The following MACROD2 variants were observed in gnomAD, a reference collection of about 807,000 sequenced individuals.
The protein encoded by MACROD2 is ADP-ribose glycohydrolase MACROD2.
A neutral mutation model predicts 70.4 loss-of-function variants in MACROD2; 36 were observed. The ratio of observed to expected loss-of-function variants is 0.51; its 90% confidence interval spans 0.39 to 0.68. MACROD2 has a LOEUF of 0.68. Ranked by LOEUF, MACROD2 falls within the 30% of genes least tolerant of loss-of-function variation. The pLI, the probability that MACROD2 is intolerant of heterozygous loss-of-function variation, is 0.00. For synonymous variants in MACROD2, 172 were observed against 178.8 expected (o/e 0.96, Z 0.30); for missense variants, 496 against 538.4 (o/e 0.92, Z 0.78).
intron 17 of MACROD2, among the ~76,000 whole-genome samples, chr20:16,045,212 T>C (rs1039401619): frequency 2.0e-5 from 3 of 152,128 alleles, no homozygotes; most frequent in Admixed American, 6.5e-5. Flanking sequence ...CCTGGGTTTG[T>C]TACGTTGAAT....
intron 10 of MACROD2, among the ~76,000 whole-genome samples, chr20:15,898,983 C>CAT (rs1415036330): frequency 6.7e-6 from 1 of 150,000 alleles, no homozygotes; most frequent in Admixed American, 6.7e-5. Flanking sequence ...TGTGTGTGTG[C>CAT]ATATATATAT....
chr20:14,755,029 C>G (rs781535649), intron 5 of MACROD2, among the ~76,000 whole-genome samples: 3 of 152,036 alleles, frequency 2.0e-5, no homozygotes, highest in African/African-American at 7.3e-5. Flanking sequence ...CACTTATCAG[C>G]TGAAAACAGC....
chr20:14,808,779 G>A (rs1372189467), intron 5 of MACROD2, among the ~76,000 whole-genome samples: 4 of 151,614 alleles, frequency 2.6e-5, no homozygotes, highest in African/African-American at 9.7e-5. Flanking sequence ...AAAAGCAGGG[G>A]TTGTAATCCC....
rs565093250 is a variant in MACROD2, at chr20:14,750,861, A to T, written c.418+65902A>T. Among the ~76,000 whole-genome samples, 3 of 152,220 alleles carry T rather than the reference A, an allele frequency of 2.0e-5. No individual in the cohort carries two copies. The East Asian group carries it at 5.8e-4, about 29-fold the overall frequency. On this transcript the variant is annotated intron_variant, in intron 5 of 17. Coordinates refer to ENST00000684519, the MANE Select transcript of MACROD2 (RefSeq NM_001351661.2). ...AATATGTTTTATAAATCACTAACAA[A>T]TAACTAATCTGGTTGGTGATAAATA...
At chr20:14,546,953 T>C (rs1163092254) in intron 4 of MACROD2, among the ~76,000 whole-genome samples, 1 of 152,122 alleles carries the variant, frequency 6.6e-6, no homozygotes, top group African/African-American at 2.4e-5. Context: ...CTAAATACAA[T>C]TATATTTTTA....
chr20:14,157,763 T>A (rs1364268815), intron 3 of MACROD2, among the ~76,000 whole-genome samples: 1 of 152,206 alleles, frequency 6.6e-6, no homozygotes, highest in Non-Finnish European at 1.5e-5. Flanking sequence ...ATAATTTCAT[T>A]CTTTGTTATA....
chr20:14,250,743 A>C (rs1160296357), intron 3 of MACROD2, among the ~76,000 whole-genome samples: 4 of 152,136 alleles, frequency 2.6e-5, no homozygotes, highest in African/African-American at 9.7e-5. Context: ...TGTACTAATA[A>C]AGTGATAATA....
At chr20:15,667,785 T>A (rs1380521179) in intron 8 of MACROD2, among the ~76,000 whole-genome samples, 1 of 152,216 alleles carries the variant, frequency 6.6e-6, no homozygotes, top group African/African-American at 2.4e-5. Context: ...GTCCCTTCAG[T>A]TTCTTTCAAT....
At chr20:15,064,038 C>T (rs534266139) in intron 5 of MACROD2, among the ~76,000 whole-genome samples, 1 of 152,208 alleles carries the variant, frequency 6.6e-6, no homozygotes, top group South Asian at 2.1e-4. Flanking sequence ...AAGCTAAAGC[C>T]CCCAGTTTAA....
chr20:14,647,450 CA>C (rs1358070104), intron 4 of MACROD2, among the ~76,000 whole-genome samples: 2 of 151,892 alleles, frequency 1.3e-5, no homozygotes, highest in East Asian at 1.9e-4. Flanking sequence ...CATTTTGTTT[CA>C]AAAAAATAAT....
intron 8 of MACROD2, among the ~76,000 whole-genome samples, chr20:15,551,562 C>T (rs541664000): frequency 1.1e-4 from 16 of 152,216 alleles, no homozygotes; most frequent in African/African-American, 3.6e-4. Context: ...CATTTCTACT[C>T]ACATCATGTT....
At chr20:14,023,584 G>GT (rs1458137515) in intron 2 of MACROD2, among the ~76,000 whole-genome samples, 1 of 152,174 alleles carries the variant, frequency 6.6e-6, no homozygotes, top group African/African-American at 2.4e-5. Flanking sequence ...TGTATAAGGT[G>GT]TAAGGAAGGG....
At chr20:15,165,038 T>C (rs2076373998) in intron 5 of MACROD2, among the ~76,000 whole-genome samples, 1 of 152,200 alleles carries the variant, frequency 6.6e-6, no homozygotes, top group African/African-American at 2.4e-5. Context: ...AAAAAAGTTG[T>C]TTCCTTAGAA....
intron 11 of MACROD2, among the ~76,000 whole-genome samples, chr20:15,936,072 T>A (rs2065654250): frequency 6.6e-6 from 1 of 152,084 alleles, no homozygotes; most frequent in Admixed American, 6.6e-5. Flanking sequence ...TGCTTCCAAA[T>A]ATGTGTTAGT....
intron 6 of MACROD2, among the ~76,000 whole-genome samples, chr20:15,411,096 G>T (rs1397549484): frequency 6.6e-6 from 1 of 150,512 alleles, no homozygotes; most frequent in African/African-American, 2.4e-5. Context: ...TTTGGAGGGT[G>T]AGTACCTGAT....
Position 15,476,322 on chromosome 20 carries a change from T to A in MACROD2, c.572-23452T>A, listed in dbSNP as rs139337882. Among the ~76,000 whole-genome samples the A allele has an allele frequency of 6.1e-3, 935 of 152,348 alleles. 9 individuals are homozygous for A. Among genetic ancestry groups the A allele is most frequent in the African/African-American group, 0.021 (892 of 41,572 alleles). Reference sequence around the variant, plus strand: ...TTTAGACACAGGCTTTTGTGACATATCACTCTTTCGCACACAGAAAAGGAA... The same window carrying A: ...TTTAGACACAGGCTTTTGTGACATAACACTCTTTCGCACACAGAAAAGGAA... On this transcript the variant is annotated intron_variant, in intron 7 of 17. Transcript: ENST00000684519.
At chr20:14,093,474 C>T (rs949797701) in intron 3 of MACROD2, among the ~76,000 whole-genome samples, 1 of 152,090 alleles carries the variant, frequency 6.6e-6, no homozygotes, top group Non-Finnish European at 1.5e-5. Context: ...ACGTGATGTT[C>T]AGATTCTGCC....
rs542463452 is a variant in MACROD2, at chr20:14,945,622, T to G, written c.418+260663T>G. On this transcript the variant is annotated intron_variant, in intron 5 of 17. Coordinates refer to ENST00000684519, the MANE Select transcript of MACROD2 (RefSeq NM_001351661.2). ...AAGGATTACCAATTGCAAAGCTGTT[T>G]TCTAGGAACTCCTGGGTATATGGAG... Among the ~76,000 whole-genome samples, 10 of 152,256 alleles carry G rather than the reference T, an allele frequency of 6.6e-5. No individual in the cohort carries two copies. In the South Asian group the frequency reaches 2.1e-3, roughly 32 times the overall value.
At chr20:15,677,633 A>G (rs1441979144) in intron 8 of MACROD2, among the ~76,000 whole-genome samples, 3 of 152,070 alleles carry the variant, frequency 2.0e-5, no homozygotes, top group Non-Finnish European at 2.9e-5. Context: ...ATTGTCTTCT[A>G]TGGCACTTCA....
Sources: gnomAD v4.1 joint callset for allele counts (sites outside exome capture counted in the v4.1 genomes callset) on GRCh38, gnomAD v4.1.1 for gene constraint, MANE v1.5 for transcripts, NCBI Gene and HGNC (gene_info 2026-07-23, HGNC 2026-07-21) for gene names.